Variants in SHISA9 observed in about 807,000 individuals in gnomAD.
The protein encoded by SHISA9 is protein shisa-9.
In SHISA9, 13 loss-of-function variants were observed where a neutral mutation model predicts 38.0. The observed-to-expected ratio is 0.34, with a 90% CI of 0.22 to 0.54. The LOEUF (loss-of-function observed/expected upper bound fraction) is 0.54, where lower values mean the gene tolerates loss of function less well. Ranked by LOEUF, SHISA9 falls within the 20% of genes least tolerant of loss-of-function variation. The pLI is 0.91. For missense variants in SHISA9, 538 were observed against 575.8 expected, an observed-to-expected ratio of 0.93 and a Z score of 0.67; for synonymous variants, 275 against 242.0, an observed-to-expected ratio of 1.14 and a Z score of -1.27.
intron 2 of SHISA9, among the ~76,000 whole-genome samples, chr16:12,928,806 A>G (rs962111927): frequency 6.6e-6 from 1 of 152,226 alleles, no homozygotes. Context: ...ATTATTTTTA[A>G]AAATTTAGTG....
At chr16:13,440,319 A>C in the SHISA9 span, among the ~76,000 whole-genome samples, 13 of 152,174 alleles carry the variant, frequency 8.5e-5, no homozygotes, top group Non-Finnish European at 1.8e-4. Context: ...TCTGCAATAG[A>C]GCCTCATCTG....
intron 2 of SHISA9, among the ~76,000 whole-genome samples, chr16:13,126,233 C>G (rs2050255284): frequency 6.6e-6 from 1 of 152,164 alleles, no homozygotes; most frequent in Non-Finnish European, 1.5e-5. Context: ...CCCTGGGGCC[C>G]TCCTCCAATT....
the SHISA9 span, among the ~76,000 whole-genome samples, chr16:13,550,322 G>T: frequency 2.0e-5 from 3 of 152,104 alleles, no homozygotes; most frequent in South Asian, 6.2e-4. Flanking sequence ...ACTCATCCAT[G>T]CAGAAAGAAA....
chr16:13,449,942 C>T, the SHISA9 span, among the ~76,000 whole-genome samples: 2 of 152,106 alleles, frequency 1.3e-5, no homozygotes, highest in African/African-American at 4.8e-5. Flanking sequence ...TGGTGAAACC[C>T]TGTCTCTACT....
rs933778601 is a variant in SHISA9, at chr16:13,225,039, G to T, written c.896-9991G>T. 2.0e-5 allele frequency among the ~76,000 whole-genome samples: 3 copies of T among 152,180 alleles called. No homozygotes were observed. In the East Asian group the frequency reaches 5.8e-4, roughly 29 times the overall value. On this transcript the variant is annotated intron_variant, in intron 4 of 4. Coordinates refer to ENST00000558583, the MANE Select transcript of SHISA9 (RefSeq NM_001145204.3). Reference sequence around the variant, plus strand: ...AGTTGAGGATATATTGAATTAATGTGGGCCCTAATCCTGTGGCTGATATCC... The same window carrying T: ...AGTTGAGGATATATTGAATTAATGTTGGCCCTAATCCTGTGGCTGATATCC...
the SHISA9 span, among the ~76,000 whole-genome samples, chr16:13,338,715 T>C: frequency 1.5e-3 from 232 of 152,332 alleles, 5 homozygotes; most frequent in East Asian, 0.043. Flanking sequence ...TTCTAATACC[T>C]CTGAGCCTGT....
chr16:13,106,580 T>C (rs1010253850), intron 2 of SHISA9, among the ~76,000 whole-genome samples: 1 of 152,178 alleles, frequency 6.6e-6, no homozygotes, highest in Non-Finnish European at 1.5e-5. Context: ...CGAGGCAGTT[T>C]AGATAGGGTT....
chr16:13,209,883 G>A (rs541081708), intron 3 of SHISA9, among the ~76,000 whole-genome samples: 4 of 152,246 alleles, frequency 2.6e-5, no homozygotes, highest in South Asian at 2.1e-4. Context: ...GATGGATCAC[G>A]GGGTCAGGAG....
chr16:13,253,908 T>A, the SHISA9 span, among the ~76,000 whole-genome samples: 1 of 152,188 alleles, frequency 6.6e-6, no homozygotes, highest in Non-Finnish European at 1.5e-5. Context: ...AAGGTTACTT[T>A]TTTTTTCACT....
chr16:12,937,246 A>G (rs555297815), intron 2 of SHISA9, among the ~76,000 whole-genome samples: 13 of 152,340 alleles, frequency 8.5e-5, no homozygotes, highest in Admixed American at 4.6e-4. Context: ...TAACGTATTT[A>G]TCTATTTGAA....
chr16:13,293,590 A>G, the SHISA9 span, among the ~76,000 whole-genome samples: 1 of 152,338 alleles, frequency 6.6e-6, no homozygotes, highest in East Asian at 1.9e-4. Flanking sequence ...ACAGTTCCTG[A>G]CACAAAACAA....
the SHISA9 span, among the ~76,000 whole-genome samples, chr16:13,489,193 G>A: frequency 6.6e-6 from 1 of 152,132 alleles, no homozygotes; most frequent in Middle Eastern, 3.4e-3. Flanking sequence ...GATTACAAGC[G>A]CATGCCACCA....
intron 4 of SHISA9, among the ~76,000 whole-genome samples, chr16:13,215,324 C>G (rs1366065509): frequency 6.6e-6 from 1 of 152,186 alleles, no homozygotes; most frequent in Non-Finnish European, 1.5e-5. Context: ...AGAGTGCATT[C>G]TATTCCCTCA....
chr16:13,159,229 A>G (rs899746580), intron 2 of SHISA9, among the ~76,000 whole-genome samples: 2 of 152,238 alleles, frequency 1.3e-5, no homozygotes, highest in Admixed American at 1.3e-4. Context: ...ATAAATTAAC[A>G]TGAATTAGGC....
At chr16:13,145,623 G>T (rs1210645973) in intron 2 of SHISA9, among the ~76,000 whole-genome samples, 1 of 152,200 alleles carries the variant, frequency 6.6e-6, no homozygotes, top group Non-Finnish European at 1.5e-5. Context: ...ACCTACAAAA[G>T]GGAATAATCG....
the SHISA9 span, among the ~76,000 whole-genome samples, chr16:13,426,482 C>A: frequency 2.0e-5 from 3 of 152,172 alleles, no homozygotes; most frequent in African/African-American, 7.2e-5. Flanking sequence ...TGTCTGTGTA[C>A]CTTTCCCCTG....
chr16:13,516,312 T>C, the SHISA9 span, among the ~76,000 whole-genome samples: 2 of 152,222 alleles, frequency 1.3e-5, no homozygotes, highest in African/African-American at 4.8e-5. Context: ...TGAAGGTTCA[T>C]AATCACCCTG....
intron 2 of SHISA9, among the ~76,000 whole-genome samples, chr16:12,996,874 T>G (rs145457136): frequency 6.6e-6 from 1 of 152,154 alleles, no homozygotes; most frequent in African/African-American, 2.4e-5. Context: ...ATGCCAAAAT[T>G]AGCTTTATAT....
intron 2 of SHISA9, among the ~76,000 whole-genome samples, chr16:13,165,740 T>G (rs1353923840): frequency 6.6e-6 from 1 of 152,252 alleles, no homozygotes; most frequent in Non-Finnish European, 1.5e-5. Context: ...TATCACGTGC[T>G]GATCAGTGAG....
Sources: allele counts gnomAD v4.1 joint callset (sites outside exome capture counted in the v4.1 genomes callset), GRCh38; gene constraint gnomAD v4.1.1; transcripts MANE v1.5; gene names NCBI Gene and HGNC (gene_info 2026-07-23, HGNC 2026-07-21).